CALN1: variants seen among roughly 807,000 people sequenced by gnomAD.
The protein encoded by CALN1 is calneuron 1, also known as calcium-binding protein 8.
In CALN1, 17 loss-of-function variants were observed where a neutral mutation model predicts 30.6. The observed-to-expected ratio is 0.56, with a 90% confidence interval of 0.38 to 0.83. CALN1 has a LOEUF of 0.83. Ranked by LOEUF, CALN1 falls within the 40% of genes least tolerant of loss-of-function variation. CALN1 has a pLI of 0.00. For missense variants in CALN1, 291 were observed against 354.9 expected (o/e 0.82, Z 1.45); for synonymous variants, 156 against 131.4 (o/e 1.19, Z -1.28).
At chr7:71,915,060 T>C (rs1041135277) in intron 5 of CALN1, among the ~76,000 whole-genome samples, 12 of 152,250 alleles carry the variant, frequency 7.9e-5, no homozygotes, top group Admixed American at 3.3e-4. Flanking sequence ...CTGTGTTTTG[T>C]TTAAGGCAAC....
chr7:72,180,838 C>G (rs985523517), intron 3 of CALN1, among the ~76,000 whole-genome samples: 18 of 151,940 alleles, frequency 1.2e-4, no homozygotes, highest in Non-Finnish European at 2.1e-4. Context: ...TGGCTCACAC[C>G]TATAATCCAA....
chr7:71,808,419 CAT>C (rs983337579), intron 6 of CALN1, among the ~76,000 whole-genome samples: 27 of 151,180 alleles, frequency 1.8e-4, no homozygotes, highest in African/African-American at 2.9e-4. Flanking sequence ...TTTTAATAAA[CAT>C]AATACTTGCA....
At chr7:72,193,014 C>A (rs1413384465) in intron 3 of CALN1, among the ~76,000 whole-genome samples, 1 of 151,914 alleles carries the variant, frequency 6.6e-6, no homozygotes, top group Middle Eastern at 3.2e-3. Flanking sequence ...ATGGCAAAAT[C>A]CCATCTCTGC....
intron 3 of CALN1, among the ~76,000 whole-genome samples, chr7:72,276,219 G>A (rs1797323834): frequency 6.6e-6 from 1 of 152,174 alleles, no homozygotes; most frequent in Middle Eastern, 3.2e-3. Flanking sequence ...GCTGATGACT[G>A]AGCCTGGAGG....
intron 5 of CALN1, among the ~76,000 whole-genome samples, chr7:71,846,874 AAT>A (rs1191816719): frequency 6.8e-6 from 1 of 146,844 alleles, no homozygotes; most frequent in Non-Finnish European, 1.5e-5. Context: ...ATGTATATAT[AAT>A]ATATACACAC....
At chr7:72,478,461 G>A in the CALN1 span, among the ~76,000 whole-genome samples, 1 of 151,326 alleles carries the variant, frequency 6.6e-6, no homozygotes, top group Admixed American at 6.6e-5. Context: ...CTACTCAGGA[G>A]GCTGAAACAG....
the CALN1 span, among the ~76,000 whole-genome samples, chr7:72,483,193 T>C: frequency 6.6e-6 from 1 of 152,140 alleles, no homozygotes; most frequent in Admixed American, 6.5e-5. Context: ...TGATATGCTT[T>C]GGTGTTGTTC....
intron 3 of CALN1, among the ~76,000 whole-genome samples, chr7:72,185,166 C>G (rs1790090956): frequency 6.6e-6 from 1 of 151,944 alleles, no homozygotes; most frequent in African/African-American, 2.4e-5. Context: ...ACTTGAAGGT[C>G]CTTCCTCTGG....
At chr7:72,461,971 G>A in the CALN1 span, among the ~76,000 whole-genome samples, 6 of 151,716 alleles carry the variant, frequency 4.0e-5, no homozygotes, top group South Asian at 8.3e-4. Context: ...TTGCGCCACC[G>A]CACTCCAGCC....
intron 6 of CALN1, among the ~76,000 whole-genome samples, chr7:71,799,060 A>T (rs987061281): frequency 4.6e-5 from 7 of 152,172 alleles, no homozygotes; most frequent in Admixed American, 4.6e-4. Context: ...CAGCAGCAGC[A>T]CATGTTCAGC....
chr7:72,490,366 G>T, the CALN1 span, among the ~76,000 whole-genome samples: 2 of 152,138 alleles, frequency 1.3e-5, no homozygotes, highest in Middle Eastern at 3.2e-3. Context: ...GACAGAGAGG[G>T]TTATATAGAG....
chr7:72,503,814 G>A, the CALN1 span, among the ~76,000 whole-genome samples: 1 of 142,342 alleles, frequency 7.0e-6, no homozygotes, highest in Non-Finnish European at 1.5e-5. Flanking sequence ...ATCTCTGAGG[G>A]CACTCTGGCC....
intron 4 of CALN1, among the ~76,000 whole-genome samples, chr7:72,029,306 T>C (rs1380822394): frequency 6.6e-6 from 1 of 151,970 alleles, no homozygotes; most frequent in Non-Finnish European, 1.5e-5. Context: ...AGAGATGGGG[T>C]TTCACTGTAT....
intron 6 of CALN1, among the ~76,000 whole-genome samples, chr7:71,793,019 G>C (rs1438649529): frequency 6.6e-6 from 1 of 151,948 alleles, no homozygotes; most frequent in Non-Finnish European, 1.5e-5. Context: ...GCAGAGAGGA[G>C]CAGAGCCGGG....
Position 72,218,762 on chromosome 7 carries a change from C to T in CALN1, c.244+59924G>A, listed in dbSNP as rs117159815. Among the ~76,000 whole-genome samples the T allele has an allele frequency of 4.6e-3, 696 of 152,280 alleles. 1 individual carries two copies. The highest frequency in any genetic ancestry group is 6.2e-3 in the Non-Finnish European group (424 of 68,024). On this transcript the variant is annotated intron_variant, in intron 3 of 6. Coordinates refer to ENST00000395275, the MANE Select transcript of CALN1 (RefSeq NM_031468.4). Reference sequence around the variant, plus strand: ...GTGGTCATTAAGACCTTCTTATGGACGTTAATGAATGTGACCCTATAAAAC... The same window carrying T: ...GTGGTCATTAAGACCTTCTTATGGATGTTAATGAATGTGACCCTATAAAAC...
the CALN1 span, among the ~76,000 whole-genome samples, chr7:72,498,069 G>T: frequency 6.6e-6 from 1 of 152,200 alleles, no homozygotes; most frequent in African/African-American, 2.4e-5. Flanking sequence ...GTAGAAAATT[G>T]AATATGGGGG....
chr7:72,284,092 A>C (rs1309200727), intron 2 of CALN1, among the ~76,000 whole-genome samples: 1 of 152,134 alleles, frequency 6.6e-6, no homozygotes, highest in East Asian at 1.9e-4. Flanking sequence ...GGAGTTCAAG[A>C]CCAGTCTGGG....
intron 5 of CALN1, among the ~76,000 whole-genome samples, chr7:71,998,521 G>A (rs1799364236): frequency 1.3e-5 from 2 of 151,860 alleles, no homozygotes; most frequent in South Asian, 4.2e-4. Flanking sequence ...GTCGATACCA[G>A]TAAAGTCTGA....
chr7:72,427,444 A>G (rs2129563884), intron 1 of CALN1, among the ~76,000 whole-genome samples: 1 of 152,330 alleles, frequency 6.6e-6, no homozygotes, highest in Middle Eastern at 3.4e-3. Flanking sequence ...CACTCTGTGC[A>G]GAGTTGGAGA....
Sources: allele counts gnomAD v4.1 joint callset (sites outside exome capture counted in the v4.1 genomes callset), GRCh38; gene constraint gnomAD v4.1.1; transcripts MANE v1.5; gene names NCBI Gene and HGNC (gene_info 2026-07-23, HGNC 2026-07-21).